Variants in PTPRN2 observed in about 807,000 individuals in gnomAD.
PTPRN2 encodes the protein receptor-type tyrosine-protein phosphatase N2.
Under a neutral mutation model 118.8 loss-of-function variants are expected in PTPRN2, and 74 were observed. The ratio of observed to expected loss-of-function variants is 0.62; its 90% confidence interval spans 0.52 to 0.76. PTPRN2 has a LOEUF of 0.76. PTPRN2 is among the 30% of genes least tolerant of loss of function. The probability of loss-of-function intolerance (pLI) is 0.00; values close to 1 mark genes in which losing one functional copy is unlikely to be tolerated. For missense variants in PTPRN2, 1,481 were observed against 1,394.4 expected (o/e 1.06, Z -0.99); for synonymous variants, 641 against 608.0 (o/e 1.05, Z -0.80).
chr7:158,394,558 C>G (rs1006203779), intron 2 of PTPRN2, among the ~76,000 whole-genome samples: 1 of 152,222 alleles, frequency 6.6e-6, no homozygotes, highest in Non-Finnish European at 1.5e-5. Flanking sequence ...CTGAGCACCC[C>G]CTTCAGAGCT....
Position 158,056,947 on chromosome 7 carries a change from C to T in PTPRN2, c.1723+24351G>A, listed in dbSNP as rs535457957. Among the ~76,000 whole-genome samples, 15 of 152,318 alleles carry T rather than the reference C, an allele frequency of 9.8e-5. 1 individual carries two copies. The South Asian group carries it at 2.3e-3, about 23-fold the overall frequency. On this transcript the variant is annotated intron_variant, in intron 11 of 22. Transcript: ENST00000389418. Reference sequence around the variant, plus strand: ...TCGTGGCATTCCAGGCTCACAATGTCGCCCTTATCCGATGATCAGCCACCT... The same window carrying T: ...TCGTGGCATTCCAGGCTCACAATGTTGCCCTTATCCGATGATCAGCCACCT...
intron 12 of PTPRN2, among the ~76,000 whole-genome samples, chr7:157,746,479 AAGG>A (rs943090655): frequency 3.5e-5 from 5 of 143,160 alleles, no homozygotes; most frequent in Non-Finnish European, 7.6e-5. Context: ...GGCCCTGAGC[AAGG>A]AGATCACGGG....
chr7:158,157,053 C>T (rs979818229), intron 6 of PTPRN2, among the ~76,000 whole-genome samples: 5 of 151,146 alleles, frequency 3.3e-5, no homozygotes, highest in South Asian at 2.1e-4. Context: ...GCTTACACAG[C>T]GGACAGCACC....
In PTPRN2 at chr7:158,544,653, T is replaced by A. The variant is rs78509433; in HGVS notation, c.112+42905A>T. ...AACTCTGTCTCAAAAAAAAAAAAAA[T>A]TATGAGATTTTTTTGCAATTTTTTA... On this transcript the variant is annotated intron_variant, in intron 1 of 22. Coordinates refer to ENST00000389418, the MANE Select transcript of PTPRN2 (RefSeq NM_002847.5). This position sits in a 1 kb window ranked among gnomAD's most constrained non-coding sequence, Gnocchi z 4.2. Among the ~76,000 whole-genome samples the A allele has an allele frequency of 1.3e-5, 2 of 151,476 alleles. No individual in the cohort carries two copies. The highest frequency in any genetic ancestry group is 2.4e-5 in the African/African-American group (1 of 41,200).
chr7:157,579,607 C>T (rs910417107), intron 17 of PTPRN2, among the ~76,000 whole-genome samples: 3 of 152,208 alleles, frequency 2.0e-5, no homozygotes, highest in East Asian at 3.9e-4. Context: ...TACAGAGCCC[C>T]GTCGACTGGG....
At chr7:158,011,087 C>A (rs974374458) in intron 11 of PTPRN2, among the ~76,000 whole-genome samples, 2 of 152,230 alleles carry the variant, frequency 1.3e-5, no homozygotes, top group Non-Finnish European at 2.9e-5. Flanking sequence ...CAAAGGTGTA[C>A]AAATGACAGG....
intron 2 of PTPRN2, among the ~76,000 whole-genome samples, chr7:158,405,812 C>T (rs188661304): frequency 1.1e-4 from 16 of 147,998 alleles, no homozygotes; most frequent in Admixed American, 8.7e-4. Context: ...ACTGAGATCC[C>T]GGTGGCTCAT....
intron 2 of PTPRN2, among the ~76,000 whole-genome samples, chr7:158,382,480 T>C (rs763306076): frequency 6.6e-6 from 1 of 152,224 alleles, no homozygotes; most frequent in Non-Finnish European, 1.5e-5. Flanking sequence ...ATCTGTCTTC[T>C]GCAAAAACAA....
chr7:158,057,907 G>A (rs1051914498), intron 11 of PTPRN2, among the ~76,000 whole-genome samples: 2 of 152,308 alleles, frequency 1.3e-5, no homozygotes, highest in Admixed American at 6.5e-5. Context: ...CTACGAATAC[G>A]ACATTATCTT....
chr7:158,103,178 C>T (rs1815383723), intron 10 of PTPRN2, among the ~76,000 whole-genome samples: 1 of 152,176 alleles, frequency 6.6e-6, no homozygotes, highest in South Asian at 2.1e-4. Flanking sequence ...CCTCATCCTC[C>T]CTGTGCGCAT....
Position 158,282,697 on chromosome 7 carries a change from G to A in PTPRN2, c.277+34122C>T, listed in dbSNP as rs544340229. ...TCCTGGTGCTCCACACACAGCAGCC[G>A]GACAGACGGCTGATCCCTCCTCGTG... is the stretch of plus-strand genomic sequence containing the variant. On this transcript the variant is annotated intron_variant, in intron 3 of 22. Transcript: ENST00000389418. Among the ~76,000 whole-genome samples the A allele has an allele frequency of 1.5e-3, 234 of 151,962 alleles. 1 individual carries two copies. Among genetic ancestry groups the A allele is most frequent in the African/African-American group, 5.3e-3 (218 of 41,428 alleles).
At chr7:158,442,643 A>G (rs1000594544) in intron 2 of PTPRN2, among the ~76,000 whole-genome samples, 11 of 152,168 alleles carry the variant, frequency 7.2e-5, no homozygotes, top group African/African-American at 2.7e-4. Flanking sequence ...GTTCTTCACC[A>G]TGATTATTTT....
chr7:157,736,669 G>A (rs996340744), intron 12 of PTPRN2, among the ~76,000 whole-genome samples: 4 of 152,134 alleles, frequency 2.6e-5, no homozygotes, highest in African/African-American at 7.2e-5. Flanking sequence ...CTTACACACA[G>A]ATGCACGCAG....
At chr7:157,914,808 C>T (rs1397440039) in intron 11 of PTPRN2, among the ~76,000 whole-genome samples, 3 of 152,082 alleles carry the variant, frequency 2.0e-5, no homozygotes, top group Admixed American at 2.0e-4. Flanking sequence ...TTCTCCTACT[C>T]TGCCCTCTAT....
intron 12 of PTPRN2, among the ~76,000 whole-genome samples, chr7:157,691,078 C>CT (rs1276653281): frequency 8.1e-6 from 1 of 123,938 alleles, no homozygotes; most frequent in Admixed American, 7.5e-5. Flanking sequence ...CCCCCCCCCC[C>CT]CCCACATGTT....
chr7:158,525,993 A>G lies in PTPRN2; in HGVS notation c.113-36208T>C, dbSNP rs1824749253. On this transcript the variant is annotated intron_variant, in intron 1 of 22. Coordinates refer to ENST00000389418, the MANE Select transcript of PTPRN2 (RefSeq NM_002847.5). The surrounding 1 kb of genome is among the most constrained non-coding windows in gnomAD (Gnocchi z 4.1). ...CCCCCCCATTGACTCGGCTCTCTGC[A>G]GACCTGCAGACCTGCAGCCCAGCCC... Among the ~76,000 whole-genome samples the G allele has an allele frequency of 6.6e-6, 1 of 151,994 alleles. No individual in the cohort carries two copies.
intron 5 of PTPRN2, among the ~76,000 whole-genome samples, chr7:158,187,722 G>A (rs191541326): frequency 1.3e-5 from 2 of 152,264 alleles, no homozygotes; most frequent in African/African-American, 4.8e-5. Flanking sequence ...CTGAATAACC[G>A]TTTGACAGCT....
At chr7:158,337,350 CTG>C (rs1174448602) in intron 2 of PTPRN2, among the ~76,000 whole-genome samples, 2 of 85,322 alleles carry the variant, frequency 2.3e-5, no homozygotes, top group Non-Finnish European at 2.7e-5. Flanking sequence ...GAGGTGACAC[CTG>C]CAGACGTCCC....
chr7:158,284,776 G>A (rs1003178249), intron 3 of PTPRN2, among the ~76,000 whole-genome samples: 2 of 152,192 alleles, frequency 1.3e-5, no homozygotes, highest in Admixed American at 6.5e-5. Context: ...AGGTGCAGGC[G>A]ATGAATGTAC....
Sources: gnomAD v4.1 joint callset for allele counts (sites outside exome capture counted in the v4.1 genomes callset) on GRCh38, gnomAD v4.1.1 for gene constraint, Gnocchi (gnomAD v3.1) non-coding constraint, MANE v1.5 for transcripts, NCBI Gene and HGNC (gene_info 2026-07-23, HGNC 2026-07-21) for gene names.